ITPR1: variants seen among roughly 807,000 people sequenced by gnomAD.
The protein encoded by ITPR1 is inositol 1,4,5-trisphosphate receptor type 1.
ITPR1 carries 96 observed loss-of-function variants against 318.4 expected under a neutral mutation model. The ratio of observed to expected loss-of-function variants is 0.30; its 90% confidence interval spans 0.26 to 0.36. ITPR1 has a LOEUF of 0.36. Ranked by LOEUF, ITPR1 falls within the 10% of genes least tolerant of loss-of-function variation. ITPR1 has a pLI of 1.00. For synonymous variants in ITPR1, 1,312 were observed against 1,289.9 expected, an observed-to-expected ratio of 1.02 and a Z score of -0.37; for missense variants, 2,440 against 3,460.2, an observed-to-expected ratio of 0.71 and a Z score of 7.40.
chr3:4,743,991 C>A (rs1210037191), intron 44 of ITPR1, among the ~76,000 whole-genome samples: 2 of 152,116 alleles, frequency 1.3e-5, no homozygotes, highest in South Asian at 2.1e-4. Flanking sequence ...CCCACCCCCA[C>A]GCCCAGCTAA....
At chr3:4,531,679 C>T (rs2083426517) in intron 4 of ITPR1, among the ~76,000 whole-genome samples, 1 of 152,200 alleles carries the variant, frequency 6.6e-6, no homozygotes, top group Admixed American at 6.5e-5. Flanking sequence ...AATACTTGCT[C>T]TGTACTCTGG....
chr3:4,707,247 T>C (rs114337687), intron 37 of ITPR1, among the ~76,000 whole-genome samples: 1 of 152,230 alleles, frequency 6.6e-6, no homozygotes, highest in Non-Finnish European at 1.5e-5. Context: ...CTTTTGCTCT[T>C]CTGGAGGTTG....
At chr3:4,507,171 A>G (rs304033) in intron 2 of ITPR1, among the ~76,000 whole-genome samples, 11,284 of 150,194 alleles carry the variant, frequency 0.075, 548 homozygotes, top group Non-Finnish European at 0.11. Flanking sequence ...CACAGATCAT[A>G]TATCTGTTTC....
At chr3:4,771,667 G>C (rs747804875) in intron 46 of ITPR1, among the ~76,000 whole-genome samples, 1 of 152,050 alleles carries the variant, frequency 6.6e-6, no homozygotes. Flanking sequence ...TCCAAAACTC[G>C]TTCCTCAGTG....
intron 4 of ITPR1, among the ~76,000 whole-genome samples, chr3:4,535,441 A>AT (rs2083770460): frequency 1.1e-4 from 9 of 80,828 alleles, no homozygotes; most frequent in East Asian, 4.0e-4. Flanking sequence ...TTTTTTTTTT[A>AT]ATTTTTTTTT....
intron 4 of ITPR1, among the ~76,000 whole-genome samples, chr3:4,554,363 A>T (rs1222310432): frequency 6.6e-6 from 1 of 152,246 alleles, no homozygotes; most frequent in Non-Finnish European, 1.5e-5. Context: ...TTTTTTGCCG[A>T]GTCGCAGAAG....
chr3:4,516,127 C>T (rs1359181698), intron 2 of ITPR1, among the ~76,000 whole-genome samples: 1 of 152,158 alleles, frequency 6.6e-6, no homozygotes, highest in Non-Finnish European at 1.5e-5. Flanking sequence ...CCAGGTAACT[C>T]CCTAGTCACT....
intron 17 of ITPR1, 122 bp from the exon 18 acceptor site, chr3:4,667,255 T>A (rs151071505): frequency 3.0e-6 from 2 of 668,910 alleles, no homozygotes; most frequent in Non-Finnish European, 4.8e-6. Context: ...CCCTCCCTTA[T>A]ACTGTAATGT....
intron 42 of ITPR1, among the ~76,000 whole-genome samples, chr3:4,731,762 T>A (rs1262744811): frequency 6.6e-6 from 1 of 152,198 alleles, no homozygotes; most frequent in African/African-American, 2.4e-5. Context: ...CCAGGGTGCC[T>A]CACGTTTCCC....
chr3:4,600,195 C>T lies in ITPR1; in HGVS notation c.164-27568C>T, dbSNP rs112132919. On this transcript the variant is annotated intron_variant, in intron 4 of 61. Transcript: ENST00000649015. ...TTTTTTAAAAATTTTACCTCTGTGG[C>T]ATTGTTTCATTGCATACCACAGTTT... Among the ~76,000 whole-genome samples the T allele has an allele frequency of 8.2e-3, 1,243 of 152,300 alleles. 9 individuals are homozygous for T. Among genetic ancestry groups the T allele is most frequent in the Non-Finnish European group, 0.013 (914 of 68,026 alleles).
intron 24 of ITPR1, among the ~76,000 whole-genome samples, chr3:4,679,163 C>T (rs1433853821): frequency 6.6e-6 from 1 of 152,082 alleles, no homozygotes; most frequent in African/African-American, 2.4e-5. Context: ...AGGAAGGAGG[C>T]GCTGATGATC....
At chr3:4,627,983 C>A in intron 5 of ITPR1, 105 bp downstream of exon 5, 1 of 659,168 alleles carries the variant, frequency 1.5e-6, no homozygotes, top group Admixed American at 2.8e-5. Flanking sequence ...CCAATTCTAG[C>A]AGCCAGCTTT....
chr3:4,685,346 T>C (rs2094374708), intron 30 of ITPR1, 140 bp downstream of exon 30: 2 of 822,300 alleles, frequency 2.4e-6, no homozygotes, highest in Non-Finnish European at 3.6e-6. Flanking sequence ...ATTTCAGGTA[T>C]TGATATGAAA....
intron 4 of ITPR1, among the ~76,000 whole-genome samples, chr3:4,546,822 ACATAC>A (rs1371231003): frequency 2.0e-5 from 3 of 147,308 alleles, no homozygotes; most frequent in Admixed American, 6.9e-5. Flanking sequence ...TGAAATCTTG[ACATAC>A]CACCCTGAAG....
intron 29 of ITPR1, among the ~76,000 whole-genome samples, chr3:4,684,780 T>G (rs2094361927): frequency 6.6e-6 from 1 of 152,196 alleles, no homozygotes; most frequent in Admixed American, 6.5e-5. Flanking sequence ...AGCAAACTCT[T>G]CCCAGGGTCT....
At chr3:4,647,713 T>G (rs1355354995) in intron 10 of ITPR1, among the ~76,000 whole-genome samples, 1 of 152,182 alleles carries the variant, frequency 6.6e-6, no homozygotes, top group Non-Finnish European at 1.5e-5. Context: ...GTAGTGAAAT[T>G]TCATTGTGGG....
chr3:4,804,400 G>T (rs1004782940), intron 54 of ITPR1, among the ~76,000 whole-genome samples: 2 of 152,208 alleles, frequency 1.3e-5, no homozygotes, highest in African/African-American at 4.8e-5. Flanking sequence ...TGCTGGGTGC[G>T]CAGAATCCTT....
intron 40 of ITPR1, among the ~76,000 whole-genome samples, chr3:4,719,881 C>T (rs186979745): frequency 2.4e-4 from 36 of 149,912 alleles, no homozygotes; most frequent in Non-Finnish European, 4.5e-5. Context: ...CATCCTTACC[C>T]CCTGATTTTT....
intron 60 of ITPR1, among the ~76,000 whole-genome samples, chr3:4,828,616 G>C (rs1469907273): frequency 6.6e-6 from 1 of 152,150 alleles, no homozygotes; most frequent in Non-Finnish European, 1.5e-5. Context: ...TGGGTGCCCA[G>C]GAAATCCTCC....
Sources: allele counts gnomAD v4.1 joint callset (sites outside exome capture counted in the v4.1 genomes callset), GRCh38; gene constraint gnomAD v4.1.1; transcripts MANE v1.5; gene names NCBI Gene and HGNC (gene_info 2026-07-23, HGNC 2026-07-21).